DIS3L2: variants seen among roughly 807,000 people sequenced by gnomAD.
DIS3L2 encodes DIS3-like exonuclease 2.
Under a neutral mutation model 97.5 loss-of-function variants are expected in DIS3L2, and 34 were observed. That is an observed-to-expected ratio of 0.35 (90% confidence interval 0.27 to 0.46). The LOEUF (loss-of-function observed/expected upper bound fraction) is 0.46, where lower values mean the gene tolerates loss of function less well. Among genes scored for constraint, DIS3L2 ranks in the 20% least tolerant of loss-of-function variants. DIS3L2 has a pLI of 1.00. For missense variants in DIS3L2, 1,038 were observed against 1,146.0 expected (o/e 0.91, Z 1.36); for synonymous variants, 435 against 445.2 (o/e 0.98, Z 0.29).
chr2:232,199,797 A>C (rs1691844000), intron 9 of DIS3L2, among the ~76,000 whole-genome samples: 1 of 152,168 alleles, frequency 6.6e-6, no homozygotes, highest in South Asian at 2.1e-4. Flanking sequence ...GGAATGATAG[A>C]GATGGGAATG....
At position 232,336,541 on chromosome 2, in the gene DIS3L2, C is replaced by T. The variant is rs750511176; in HGVS notation, c.2569C>T (p.Leu857=). Residue 857 remains leucine, a synonymous_variant, in exon 21 of 21, where the codon CTG becomes TTG. Coordinates refer to ENST00000325385, the MANE Select transcript of DIS3L2 (RefSeq NM_152383.5). ...ESTALKYSAI[L]KRPGTQGHLG... ...CACAGCCCTCAAGTACAGCGCCATC[C>T]TGAAGCGGCCAGGCACCCAGGGCCA... The T allele has an allele frequency of 1.1e-5, 17 of 1,610,122 alleles. No individual in the cohort carries two copies. In the African/African-American group the frequency reaches 1.5e-4, roughly 14 times the overall value.
chr2:232,216,370 T>TA (rs1692332100), intron 10 of DIS3L2, among the ~76,000 whole-genome samples: 1 of 152,222 alleles, frequency 6.6e-6, no homozygotes, highest in African/African-American at 2.4e-5. Flanking sequence ...CCAGTCGCCT[T>TA]TTTAACTCAT....
chr2:232,052,594 A>G (rs536581947), intron 5 of DIS3L2, among the ~76,000 whole-genome samples: 2 of 152,236 alleles, frequency 1.3e-5, no homozygotes, highest in South Asian at 4.2e-4. Context: ...GGCACCACAT[A>G]CAGAAGGTCT....
rs189946947 is a variant in DIS3L2 at position 232,221,023 on chromosome 2, A to C, written c.1204+10618A>C. The stretch of plus-strand genomic sequence containing the variant: ...AGGCTGAGGCAGGAGAATTGCTTGA[A>C]TCCAGGAGGCGGAGGCTACAGTGAG... On this transcript the variant is annotated intron_variant, in intron 10 of 20. Coordinates refer to ENST00000325385, the MANE Select transcript of DIS3L2 (RefSeq NM_152383.5). 6.0e-3 allele frequency among the ~76,000 whole-genome samples: 886 copies of C among 147,858 alleles called. 8 individuals carry two copies. The highest frequency in any genetic ancestry group is 0.021 in the African/African-American group (841 of 40,110).
chr2:231,996,078 C>G (rs1261692614), intron 1 of DIS3L2, among the ~76,000 whole-genome samples: 1 of 152,228 alleles, frequency 6.6e-6, no homozygotes, highest in African/African-American at 2.4e-5. Context: ...GAATGCTCAA[C>G]TGTGTCAAGT....
intron 5 of DIS3L2, among the ~76,000 whole-genome samples, chr2:232,038,321 G>T: frequency 6.6e-6 from 1 of 152,300 alleles, no homozygotes; most frequent in East Asian, 1.9e-4. Flanking sequence ...AGAACAGAAA[G>T]ATGGTGGCAT....
intron 5 of DIS3L2, among the ~76,000 whole-genome samples, chr2:232,077,438 T>TA (rs1219126089): frequency 1.3e-5 from 2 of 152,232 alleles, no homozygotes; most frequent in African/African-American, 4.8e-5. Flanking sequence ...ATAAGTATTG[T>TA]AATGTGCTAT....
At chr2:232,181,364 G>T (rs1691263614) in intron 9 of DIS3L2, among the ~76,000 whole-genome samples, 1 of 152,146 alleles carries the variant, frequency 6.6e-6, no homozygotes, top group Non-Finnish European at 1.5e-5. Context: ...GGGCTGCCTT[G>T]CTAGATTGGG....
intron 6 of DIS3L2, among the ~76,000 whole-genome samples, chr2:232,094,892 A>G (rs536025699): frequency 5.9e-5 from 9 of 152,004 alleles, no homozygotes; most frequent in Non-Finnish European, 1.3e-4. Flanking sequence ...TGACCCCTTT[A>G]TCATTATATA....
intron 5 of DIS3L2, among the ~76,000 whole-genome samples, chr2:232,030,560 T>A (rs1400284750): frequency 1.3e-5 from 2 of 152,238 alleles, no homozygotes; most frequent in African/African-American, 4.8e-5. Context: ...GGTCTGTGTT[T>A]TTATAAATCA....
intron 9 of DIS3L2, among the ~76,000 whole-genome samples, chr2:232,202,820 T>C (rs1341070089): frequency 6.6e-6 from 1 of 152,258 alleles, no homozygotes; most frequent in Non-Finnish European, 1.5e-5. Context: ...TGTCTGCTTC[T>C]TAGCATCTTT....
intron 14 of DIS3L2, among the ~76,000 whole-genome samples, chr2:232,300,652 CT>C (rs35570747): frequency 0.19 from 22,709 of 121,402 alleles, 3,106 homozygotes; most frequent in African/African-American, 0.5. Flanking sequence ...TAGACTGCTC[CT>C]TTTTTTTTTT....
At chr2:231,994,653 C>T (rs1574795033) in intron 1 of DIS3L2, among the ~76,000 whole-genome samples, 3 of 152,042 alleles carry the variant, frequency 2.0e-5, no homozygotes, top group South Asian at 2.1e-4. Flanking sequence ...TTTAAAAACT[C>T]AAGAGGAGAA....
chr2:232,291,905 G>A (rs1278084329), intron 13 of DIS3L2, among the ~76,000 whole-genome samples: 1 of 152,190 alleles, frequency 6.6e-6, no homozygotes, highest in Non-Finnish European at 1.5e-5. Context: ...CCCTTCCAAG[G>A]TCAGGCCAGG....
At chr2:232,013,177 G>A (rs994134233) in intron 1 of DIS3L2, among the ~76,000 whole-genome samples, 6 of 152,164 alleles carry the variant, frequency 3.9e-5, no homozygotes, top group African/African-American at 1.4e-4. Flanking sequence ...TCAAGTTCGG[G>A]TCTTCCTTTC....
At chr2:232,079,192 A>C (rs1266788774) in intron 5 of DIS3L2, among the ~76,000 whole-genome samples, 2 of 152,244 alleles carry the variant, frequency 1.3e-5, no homozygotes, top group Non-Finnish European at 2.9e-5. Context: ...AGAATACAGC[A>C]GTGAATAGAA....
intron 9 of DIS3L2, among the ~76,000 whole-genome samples, chr2:232,202,885 A>G (rs1559731060): frequency 1.3e-5 from 2 of 152,232 alleles, no homozygotes; most frequent in Non-Finnish European, 1.5e-5. Flanking sequence ...TACCGTCGAA[A>G]AAAAGAAAAG....
intron 1 of DIS3L2, chr2:231,978,457 T>G (rs1304886134): frequency 6.6e-6 from 1 of 152,238 alleles, no homozygotes; most frequent in Non-Finnish European, 1.5e-5. Flanking sequence ...GTGTTTGTTT[T>G]GGTCAGATTT....
chr2:232,238,686 ATTTG>A (rs1693000645), intron 11 of DIS3L2, 41 bp downstream of exon 11: 10 of 1,543,042 alleles, frequency 6.5e-6, no homozygotes, highest in South Asian at 1.2e-5. Flanking sequence ...TGCTTTGTTT[ATTTG>A]TTTGTTTCCC....
Sources: allele counts gnomAD v4.1 joint callset (sites outside exome capture counted in the v4.1 genomes callset), GRCh38; gene constraint gnomAD v4.1.1; transcripts MANE v1.5; gene names NCBI Gene and HGNC (gene_info 2026-07-23, HGNC 2026-07-21).